Variants in FLI1 observed in about 807,000 individuals in gnomAD.
FLI1 encodes the protein Friend leukemia integration 1 transcription factor.
A neutral mutation model predicts 53.1 loss-of-function variants in FLI1; 13 were observed. The observed-to-expected ratio is 0.24, with a 90% CI of 0.16 to 0.39. The LOEUF (loss-of-function observed/expected upper bound fraction) is 0.39. FLI1 is among the 10% of genes least tolerant of loss of function. The pLI is 1.00. For synonymous variants in FLI1, 244 were observed against 236.7 expected (o/e 1.03, Z -0.28); for missense variants, 424 against 600.5 (o/e 0.71, Z 3.07).
chr11:128,712,065 G>T (rs537645782), intron 1 of FLI1, among the ~76,000 whole-genome samples: 1 of 152,094 alleles, frequency 6.6e-6, no homozygotes, highest in South Asian at 2.1e-4. Flanking sequence ...AGTATGATTC[G>T]CAGTGTTGGA....
At chr11:128,711,745 A>G (rs541004729) in intron 1 of FLI1, among the ~76,000 whole-genome samples, 2 of 152,208 alleles carry the variant, frequency 1.3e-5, no homozygotes, top group Non-Finnish European at 2.9e-5. Context: ...CTAATGCTTT[A>G]TGCCACCATG....
At chr11:128,698,733 T>TGTGTGTGAGAGAGA (rs766077047) in intron 1 of FLI1, among the ~76,000 whole-genome samples, 6 of 133,728 alleles carry the variant, frequency 4.5e-5, no homozygotes, top group South Asian at 2.4e-4. Context: ...TGTGTGTGTG[T>TGTGTGTGAGAGAGA]GAGAGAGAGA....
At chr11:128,780,563 C>T (rs1941883225) in intron 4 of FLI1, among the ~76,000 whole-genome samples, 1 of 152,160 alleles carries the variant, frequency 6.6e-6, no homozygotes, top group South Asian at 2.1e-4. Context: ...CCATTGCACT[C>T]CAGCCTGGGC....
At chr11:128,741,141 C>A (rs1940118204) in intron 1 of FLI1, among the ~76,000 whole-genome samples, 1 of 152,234 alleles carries the variant, frequency 6.6e-6, no homozygotes, top group Non-Finnish European at 1.5e-5. Flanking sequence ...TGCTTATAAT[C>A]CCAGCACTTT....
chr11:128,809,125 A>T (rs1429855148), intron 7 of FLI1, 32 bp from the exon 8 acceptor site: 1 of 1,602,540 alleles, frequency 6.2e-7, no homozygotes, highest in African/African-American at 1.3e-5. Context: ...TTTTAAAAAC[A>T]CTGAAGCAAA....
chr11:128,697,561 C>T (rs577595472), intron 1 of FLI1, among the ~76,000 whole-genome samples: 3 of 149,702 alleles, frequency 2.0e-5, no homozygotes, highest in East Asian at 3.9e-4. Context: ...AGCAAGGCAC[C>T]TCTTGAATCT....
intron 1 of FLI1, among the ~76,000 whole-genome samples, chr11:128,711,215 A>G (rs1204917339): frequency 2.6e-5 from 4 of 152,346 alleles, no homozygotes; most frequent in Admixed American, 2.0e-4. Flanking sequence ...AGAAGCTACC[A>G]TAGTGGGCAG....
At chr11:128,751,710 A>G (rs1295996306) in intron 1 of FLI1, among the ~76,000 whole-genome samples, 1 of 150,822 alleles carries the variant, frequency 6.6e-6, no homozygotes, top group Non-Finnish European at 1.5e-5. Context: ...GTATTTTTTT[A>G]GTAGAGACAG....
At chr11:128,704,563 T>C (rs1018041194) in intron 1 of FLI1, among the ~76,000 whole-genome samples, 1 of 152,226 alleles carries the variant, frequency 6.6e-6, no homozygotes, top group African/African-American at 2.4e-5. Flanking sequence ...ATTTGTCTGG[T>C]TTTGATTCAT....
At chr11:128,774,770 C>T (rs1285282656) in intron 4 of FLI1, among the ~76,000 whole-genome samples, 1 of 152,150 alleles carries the variant, frequency 6.6e-6, no homozygotes, top group Non-Finnish European at 1.5e-5. Context: ...TGCCATATGA[C>T]CCCGGGGCCC....
At chr11:128,754,057 C>T (rs762638099) in intron 1 of FLI1, among the ~76,000 whole-genome samples, 19 of 148,388 alleles carry the variant, frequency 1.3e-4, no homozygotes, top group Non-Finnish European at 2.4e-4. Context: ...ACTTAGGGGC[C>T]CTCACCTCCC....
intron 2 of FLI1, chr11:128,764,901 G>A (rs1410753960): frequency 6.8e-7 from 1 of 1,466,532 alleles, no homozygotes; most frequent in Non-Finnish European, 9.2e-7. Context: ...GATGGTGCCA[G>A]CCCTTCTCCC....
chr11:128,792,756 C>T (rs1942312346), intron 5 of FLI1, among the ~76,000 whole-genome samples: 1 of 151,980 alleles, frequency 6.6e-6, no homozygotes, highest in Non-Finnish European at 1.5e-5. Flanking sequence ...TAAAGGAAAA[C>T]AAGAGATTTA....
rs77840987 is a variant in FLI1 at position 128,720,449 on chromosome 11, T to C, written c.18+26173T>C. Among the ~76,000 whole-genome samples the C allele has an allele frequency of 1.5e-3, 225 of 152,294 alleles. 3 individuals carry two copies. The East Asian group carries it at 0.039, about 26-fold the overall frequency. On this transcript the variant is annotated intron_variant, in intron 1 of 8. Coordinates refer to ENST00000527786, the MANE Select transcript of FLI1 (RefSeq NM_002017.5). ...CCCACGTGAAATGCTGAAAAGACGA[T>C]GTTTAAAAAGTCACAAAGTCCCCCT...
At chr11:128,767,122 C>G (rs2135830013) in intron 2 of FLI1, among the ~76,000 whole-genome samples, 1 of 152,254 alleles carries the variant, frequency 6.6e-6, no homozygotes, top group South Asian at 2.1e-4. Flanking sequence ...CGCCAGGTGG[C>G]CATGGGTGGG....
chr11:128,759,415 G>A (rs564438444), intron 2 of FLI1, among the ~76,000 whole-genome samples: 10 of 152,346 alleles, frequency 6.6e-5, no homozygotes, highest in African/African-American at 2.4e-4. Flanking sequence ...CAGTCCTTGC[G>A]CACAGACGGT....
intron 1 of FLI1, among the ~76,000 whole-genome samples, chr11:128,716,271 G>C (rs986434571): frequency 6.6e-6 from 1 of 152,198 alleles, no homozygotes; most frequent in Non-Finnish European, 1.5e-5. Flanking sequence ...CAAAATGTCA[G>C]AAAAGGGCCT....
At chr11:128,686,282 T>G, upstream of FLI1, 1 of 454,260 alleles carries the variant, frequency 2.2e-6, no homozygotes, top group Non-Finnish European at 4.4e-6. Flanking sequence ...AACATCCTGG[T>G]TTCCAGAACA....
chr11:128,711,158 T>A (rs1938769807), intron 1 of FLI1, among the ~76,000 whole-genome samples: 1 of 152,194 alleles, frequency 6.6e-6, no homozygotes, highest in Admixed American at 6.5e-5. Context: ...TTTCATTAAG[T>A]CAATTAAGTT....
Sources: gnomAD v4.1 joint callset for allele counts (sites outside exome capture counted in the v4.1 genomes callset) on GRCh38, gnomAD v4.1.1 for gene constraint, MANE v1.5 for transcripts, NCBI Gene and HGNC (gene_info 2026-07-23, HGNC 2026-07-21) for gene names.